Variants in TRIM9 observed in about 807,000 individuals in gnomAD.
TRIM9 encodes the protein E3 ubiquitin-protein ligase TRIM9.
A neutral mutation model predicts 78.3 loss-of-function variants in TRIM9; 26 were observed. The ratio of observed to expected loss-of-function variants is 0.33; its 90% CI spans 0.24 to 0.46. TRIM9 has a LOEUF of 0.46. Among genes scored for constraint, TRIM9 ranks in the 20% least tolerant of loss-of-function variants. The pLI, the probability that TRIM9 is intolerant of heterozygous loss-of-function variation, is 1.00. For missense variants in TRIM9, 787 were observed against 1,036.4 expected, an observed-to-expected ratio of 0.76 and a Z score of 3.30; for synonymous variants, 398 against 416.5, an observed-to-expected ratio of 0.96 and a Z score of 0.54.
chr14:50,987,451 G>A (rs1446328699), intron 7 of TRIM9, among the ~76,000 whole-genome samples: 1 of 152,098 alleles, frequency 6.6e-6, no homozygotes, highest in Admixed American at 6.6e-5. Context: ...ACTTATCTGT[G>A]GGGGGATGAC....
chr14:51,064,335 A>G (rs2140180128), intron 1 of TRIM9, among the ~76,000 whole-genome samples: 1 of 152,230 alleles, frequency 6.6e-6, no homozygotes, highest in South Asian at 2.1e-4. Flanking sequence ...AGCAATAAGC[A>G]GGTGGAATAA....
chr14:51,086,083 A>G (rs915777206), intron 1 of TRIM9, among the ~76,000 whole-genome samples: 5 of 152,260 alleles, frequency 3.3e-5, no homozygotes, highest in Admixed American at 1.3e-4. Context: ...TCAATTTCTC[A>G]GTAATTTTCA....
chr14:51,010,295 C>A, intron 4 of TRIM9, 89 bp downstream of exon 4: 3 of 1,032,428 alleles, frequency 2.9e-6, no homozygotes, highest in South Asian at 1.4e-5. Context: ...CACAGGCCCA[C>A]CCAGGGCTGT....
At chr14:50,979,237 G>T in intron 12 of TRIM9, 150 bp downstream of exon 12, 1 of 1,504,430 alleles carries the variant, frequency 6.6e-7, no homozygotes. Context: ...AGTTGCCAGT[G>T]CTGATCCCTT....
chr14:51,041,540 C>A (rs1313936740), intron 1 of TRIM9, among the ~76,000 whole-genome samples: 6 of 152,204 alleles, frequency 3.9e-5, no homozygotes. Context: ...CAAGGATTAA[C>A]CCCCAACTGC....
rs866413892 is a variant in TRIM9 at position 51,031,180 on chromosome 14, G to T, written c.823-5820C>A. ...AAAAAAAAAAAGAAAGAAAAGAAAA[G>T]AAAGAAAGAAAGAATGATTCTATCC... On this transcript the variant is annotated intron_variant, in intron 1 of 12. Coordinates refer to ENST00000684578, the MANE Select transcript of TRIM9 (RefSeq NM_001387360.1). Among the ~76,000 whole-genome samples the T allele has an allele frequency of 1.6e-3, 225 of 139,840 alleles. 3 individuals are homozygous for T. Among genetic ancestry groups the T allele is most frequent in the African/African-American group, 5.2e-3 (202 of 38,784 alleles). The allele number at this position is 139,840 out of a possible 152,430, so 91.7% of individuals were successfully genotyped here. A position where few individuals can be genotyped will look rare whatever the true frequency, so the allele number is the denominator to read the frequency against.
At chr14:51,093,141 C>T (rs375218495) in intron 1 of TRIM9, among the ~76,000 whole-genome samples, 1 of 152,204 alleles carries the variant, frequency 6.6e-6, no homozygotes, top group South Asian at 2.1e-4. Flanking sequence ...GTAGGACAGG[C>T]TGAGAAGCGT....
intron 7 of TRIM9, among the ~76,000 whole-genome samples, chr14:50,988,052 C>G (rs1390720670): frequency 6.6e-6 from 1 of 152,076 alleles, no homozygotes; most frequent in Non-Finnish European, 1.5e-5. Flanking sequence ...TCTGCCTGCC[C>G]CAGCCTCCCA....
At chr14:51,081,694 G>C (rs1362959555) in intron 1 of TRIM9, among the ~76,000 whole-genome samples, 1 of 152,128 alleles carries the variant, frequency 6.6e-6, no homozygotes, top group Non-Finnish European at 1.5e-5. Flanking sequence ...TGCAACCTTG[G>C]ATCATCCCCT....
chr14:51,075,673 A>C (rs2062709160), intron 1 of TRIM9, among the ~76,000 whole-genome samples: 1 of 152,196 alleles, frequency 6.6e-6, no homozygotes, highest in African/African-American at 2.4e-5. Context: ...GGTGAGTGAG[A>C]GTCCGAAGGC....
intron 4 of TRIM9, among the ~76,000 whole-genome samples, chr14:51,009,663 G>A (rs1322572096): frequency 6.6e-6 from 1 of 152,020 alleles, no homozygotes; most frequent in East Asian, 1.9e-4. Context: ...GTTTAGTGAG[G>A]GTGCACATGG....
intron 5 of TRIM9, among the ~76,000 whole-genome samples, chr14:51,006,767 C>T (rs987564569): frequency 6.6e-6 from 1 of 152,114 alleles, no homozygotes; most frequent in East Asian, 1.9e-4. Context: ...TGGATTTGTG[C>T]TGGGAGAGGG....
Position 50,986,089 on chromosome 14 carries a change from C to A in TRIM9, c.1659G>T (p.Pro553=). ...LPFPVPSERL[P]LRRMSPFSST... is the part of the protein sequence containing the mutation. Reference sequence around the variant, plus strand: ...AGGAGAAAGGACTCATTCTACGGAGCGGCAATCTTTCCGAAGGCACTGGAA... The same window carrying A: ...AGGAGAAAGGACTCATTCTACGGAGAGGCAATCTTTCCGAAGGCACTGGAA... The change falls in exon 8 of 13, where the codon CCG becomes CCT. Residue 553 remains proline (P), a synonymous_variant. Coordinates refer to ENST00000684578, the MANE Select transcript of TRIM9 (RefSeq NM_001387360.1). 3 of 1,546,352 alleles carry A rather than the reference C, an allele frequency of 1.9e-6. No homozygotes were observed. Among genetic ancestry groups the A allele is most frequent in the Non-Finnish European group, 2.6e-6 (3 of 1,144,766 alleles).
intron 1 of TRIM9, among the ~76,000 whole-genome samples, chr14:51,063,217 T>G (rs932804589): frequency 1.3e-4 from 20 of 152,078 alleles, no homozygotes; most frequent in Non-Finnish European, 1.9e-4. Context: ...ATAATAAGCA[T>G]CAATTTAATG....
At chr14:50,978,276 C>G (rs1238406103) in intron 12 of TRIM9, among the ~76,000 whole-genome samples, 2 of 152,178 alleles carry the variant, frequency 1.3e-5, no homozygotes, top group African/African-American at 2.4e-5. Context: ...AATTCTCAAG[C>G]CTTATCTCAA....
chr14:51,067,558 C>A (rs1185333917), intron 1 of TRIM9, among the ~76,000 whole-genome samples: 3 of 152,324 alleles, frequency 2.0e-5, no homozygotes, highest in East Asian at 3.9e-4. Context: ...TTATCTCTTA[C>A]CATGTCTCCT....
In TRIM9 at chr14:51,057,524, A is replaced by C. The variant is rs7158622; in HGVS notation, c.823-32164T>G. Among the ~76,000 whole-genome samples, 1,103 of 152,326 alleles carry C rather than the reference A, an allele frequency of 7.2e-3. 21 individuals are homozygous for C. The highest frequency in any genetic ancestry group is 0.025 in the African/African-American group (1,041 of 41,576). The stretch of plus-strand genomic sequence containing the variant: ...TGTATCTGCTAAAATAAAAGATACT[A>C]AATTGAAAATAATTTTTTGTCATTC... On this transcript the variant is annotated intron_variant, in intron 1 of 12. Coordinates refer to ENST00000684578, the MANE Select transcript of TRIM9 (RefSeq NM_001387360.1).
rs2057612202 is a variant in TRIM9, at chr14:51,020,181, C to T, written c.1041+2654G>A. On this transcript the variant is annotated intron_variant, in intron 3 of 12. Transcript: ENST00000684578. ...AACAAAGATAGAAAGAAGTACTGTGCTTGGCAAGTGATGTCTATAAAAGGC... is the reference window on the plus strand; with the variant it reads ...AACAAAGATAGAAAGAAGTACTGTGTTTGGCAAGTGATGTCTATAAAAGGC... Among the ~76,000 whole-genome samples the T allele has an allele frequency of 1.3e-5, 2 of 152,074 alleles. 1 individual carries two copies. Among genetic ancestry groups the T allele is most frequent in the South Asian group, 4.1e-4 (2 of 4,832 alleles).
rs932057934 is a variant in TRIM9 at position 51,022,971 on chromosome 14, C to A, written c.919-14G>T. ...CACACTGTTCTCCTGTGTAACAGAGCACATTTCTCAACTGCAAGCTGCTGG... is the reference window on the plus strand; with the variant it reads ...CACACTGTTCTCCTGTGTAACAGAGAACATTTCTCAACTGCAAGCTGCTGG... On this transcript the variant is annotated splice_polypyrimidine_tract_variant and intron_variant, in intron 2 of 12. Coordinates refer to ENST00000684578, the MANE Select transcript of TRIM9 (RefSeq NM_001387360.1). 8 of 1,613,348 alleles carry A rather than the reference C, an allele frequency of 5.0e-6. No homozygotes were observed. The highest frequency in any genetic ancestry group is 5.9e-6 in the Non-Finnish European group (7 of 1,179,896).
Sources: gnomAD v4.1 joint callset for allele counts (sites outside exome capture counted in the v4.1 genomes callset) on GRCh38, gnomAD v4.1.1 for gene constraint, MANE v1.5 for transcripts, NCBI Gene and HGNC (gene_info 2026-07-23, HGNC 2026-07-21) for gene names.